Variants in RASA2 observed in about 807,000 individuals in gnomAD.
RASA2 encodes the protein RAS p21 protein activator 2.
RASA2 carries 155 observed loss-of-function variants against 118.2 expected under a neutral mutation model. The ratio of observed to expected loss-of-function variants is 1.31; its 90% CI spans 1.15 to 1.50. The LOEUF (loss-of-function observed/expected upper bound fraction) is 1.50. RASA2 is among the 40% of genes most tolerant of loss of function. The pLI is 0.00. For synonymous variants in RASA2, 353 were observed against 349.1 expected (o/e 1.01, Z -0.12); for missense variants, 1,016 against 1,009.6 (o/e 1.01, Z -0.09).
intron 23 of RASA2, among the ~76,000 whole-genome samples, chr3:141,611,054 A>G (rs2083644103): frequency 2.6e-5 from 4 of 152,218 alleles, no homozygotes; most frequent in Admixed American, 1.3e-4. Context: ...AGCAAGGGGC[A>G]CTGTGCTTAT....
rs1314459249 is a variant in RASA2, at chr3:141,614,179, C to T, written c.*1866C>T. Reference sequence around the variant, plus strand: ...AATATGCATCTAGCATTTCTAATACCAAATCCCCAATTGTGATTGTTTTAA... The same window carrying T: ...AATATGCATCTAGCATTTCTAATACTAAATCCCCAATTGTGATTGTTTTAA... On this transcript the variant is annotated 3_prime_UTR_variant, in exon 24 of 24. Transcript: ENST00000286364. 6.6e-6 allele frequency: 1 copy of T among 151,744 alleles called. No homozygotes were observed. The highest frequency in any genetic ancestry group is 2.4e-5 in the African/African-American group (1 of 41,276). 9.4% of individuals were successfully genotyped at this position (151,744 alleles called of 1,614,324 possible). A position where few individuals can be genotyped will look rare whatever the true frequency, so the allele number is the denominator to read the frequency against.
At chr3:141,581,778 T>A (rs568457643) in intron 17 of RASA2, among the ~76,000 whole-genome samples, 1 of 152,308 alleles carries the variant, frequency 6.6e-6, no homozygotes, top group East Asian at 1.9e-4. Flanking sequence ...TTACTATAAA[T>A]GTACAAAAAC....
At chr3:141,518,271 G>C (rs983557684) in intron 3 of RASA2, among the ~76,000 whole-genome samples, 1 of 151,248 alleles carries the variant, frequency 6.6e-6, no homozygotes, top group African/African-American at 2.4e-5. Context: ...CAGATCACGA[G>C]GTCAGGAGTT....
At chr3:141,511,690 TAAG>T (rs2081952666) in intron 1 of RASA2, among the ~76,000 whole-genome samples, 1 of 152,066 alleles carries the variant, frequency 6.6e-6, no homozygotes, top group Non-Finnish European at 1.5e-5. Flanking sequence ...GAATGGAAGG[TAAG>T]AAGAGACAAC....
intron 19 of RASA2, 54 bp from the exon 20 acceptor site, chr3:141,607,624 T>G: frequency 6.7e-7 from 1 of 1,497,306 alleles, no homozygotes; most frequent in East Asian, 2.5e-5. Flanking sequence ...CCTCTCATCT[T>G]TATAATTCTG....
intron 1 of RASA2, among the ~76,000 whole-genome samples, chr3:141,492,240 A>G (rs994713035): frequency 6.6e-6 from 1 of 152,232 alleles, no homozygotes; most frequent in Non-Finnish European, 1.5e-5. Context: ...TCCTTTAATC[A>G]TAGCTGCTAA....
At chr3:141,541,475 T>C (rs1453885275) in intron 5 of RASA2, among the ~76,000 whole-genome samples, 3 of 152,200 alleles carry the variant, frequency 2.0e-5, no homozygotes, top group Admixed American at 1.3e-4. Context: ...AGATTGCATA[T>C]GTATGACTCT....
At chr3:141,528,050 A>G (rs1287469563) in intron 3 of RASA2, among the ~76,000 whole-genome samples, 1 of 151,924 alleles carries the variant, frequency 6.6e-6, no homozygotes, top group East Asian at 1.9e-4. Context: ...TATCAGGACC[A>G]ATTTATTTTA....
rs932422033 is a variant in RASA2 at position 141,545,007 on chromosome 3, G to A, written c.527+4398G>A. On this transcript the variant is annotated intron_variant, in intron 5 of 23. Transcript: ENST00000286364. ...CCTACCAGAGGGTGGAGAGTAGGAGGAGGGAGAGGATCAGGAACAATAACT... is the reference window on the plus strand; with the variant it reads ...CCTACCAGAGGGTGGAGAGTAGGAGAAGGGAGAGGATCAGGAACAATAACT... Among the ~76,000 whole-genome samples the A allele has an allele frequency of 2.6e-5, 4 of 152,296 alleles. No individual in the cohort carries two copies. In the East Asian group the frequency reaches 7.7e-4, roughly 29 times the overall value.
chr3:141,537,029 G>A (rs2082337425), intron 4 of RASA2, among the ~76,000 whole-genome samples: 1 of 152,202 alleles, frequency 6.6e-6, no homozygotes, highest in African/African-American at 2.4e-5. Flanking sequence ...TTACAGGCAT[G>A]AGCCACTGCG....
chr3:141,491,752 C>T (rs969599233), intron 1 of RASA2, among the ~76,000 whole-genome samples: 4 of 152,266 alleles, frequency 2.6e-5, no homozygotes, highest in East Asian at 3.9e-4. Flanking sequence ...TCTTAATGCT[C>T]TGATTACTTA....
At chr3:141,567,415 AAAT>A (rs536869045) in intron 9 of RASA2, among the ~76,000 whole-genome samples, 10 of 151,906 alleles carry the variant, frequency 6.6e-5, no homozygotes, top group Non-Finnish European at 1.0e-4. Context: ...ACTCTGTCTC[AAAT>A]AATAATAATA....
At chr3:141,519,468 A>C (rs113039894) in intron 3 of RASA2, among the ~76,000 whole-genome samples, 3,216 of 152,206 alleles carry the variant, frequency 0.021, 54 homozygotes, top group Middle Eastern at 0.044. Flanking sequence ...ATTTATCCTT[A>C]AGCCTTCTTA....
At chr3:141,567,415 AAATAAT>A (rs536869045) in intron 9 of RASA2, among the ~76,000 whole-genome samples, 4 of 151,812 alleles carry the variant, frequency 2.6e-5, no homozygotes, top group Non-Finnish European at 2.9e-5. Context: ...ACTCTGTCTC[AAATAAT>A]AATAATAATA....
intron 7 of RASA2, among the ~76,000 whole-genome samples, chr3:141,558,335 AAC>A (rs1216774227): frequency 2.0e-5 from 3 of 152,212 alleles, no homozygotes; most frequent in Non-Finnish European, 4.4e-5. Context: ...CTGAAAAAGA[AAC>A]AAAGACAGCA....
intron 19 of RASA2, among the ~76,000 whole-genome samples, chr3:141,604,921 TTAAATAAA>T (rs540314854): frequency 5.3e-5 from 8 of 151,640 alleles, no homozygotes; most frequent in African/African-American, 1.9e-4. Context: ...TATACATATA[TTAAATAAA>T]TAAATAAATA....
intron 17 of RASA2, among the ~76,000 whole-genome samples, chr3:141,584,330 CAAAAAAAA>C (rs56396460): frequency 9.9e-5 from 6 of 60,670 alleles, no homozygotes; most frequent in Admixed American, 2.1e-4. Flanking sequence ...AACTCCATCC[CAAAAAAAA>C]AAAAAAAAAA....
At chr3:141,487,521 G>T (rs960030620) in intron 1 of RASA2, among the ~76,000 whole-genome samples, 1 of 151,890 alleles carries the variant, frequency 6.6e-6, no homozygotes, top group Non-Finnish European at 1.5e-5. Flanking sequence ...TGGACGCGGG[G>T]ACGCTGGAGT....
chr3:141,531,953 A>C (rs1036928524), intron 4 of RASA2, among the ~76,000 whole-genome samples: 1 of 152,092 alleles, frequency 6.6e-6, no homozygotes, highest in Non-Finnish European at 1.5e-5. Flanking sequence ...TAAACTTTAT[A>C]AAATTTTACA....
Sources: allele counts gnomAD v4.1 joint callset (sites outside exome capture counted in the v4.1 genomes callset), GRCh38; gene constraint gnomAD v4.1.1; transcripts MANE v1.5; gene names NCBI Gene and HGNC (gene_info 2026-07-23, HGNC 2026-07-21).